The following DMD variants were observed in gnomAD, a reference collection of about 807,000 sequenced individuals.
DMD encodes the protein dystrophin.
A neutral mutation model predicts 330.1 loss-of-function variants in DMD; 63 were observed. That is an observed-to-expected ratio of 0.19 (90% CI 0.16 to 0.24). DMD has a LOEUF of 0.24. Among genes scored for constraint, DMD ranks in the 10% least tolerant of loss-of-function variants. The probability of loss-of-function intolerance (pLI) is 1.00; values close to 1 mark genes in which losing one functional copy is unlikely to be tolerated. For synonymous variants in DMD, 1,223 were observed against 959.8 expected, an observed-to-expected ratio of 1.27 and a Z score of -5.07; for missense variants, 3,344 against 2,684.1, an observed-to-expected ratio of 1.25 and a Z score of -5.43.
intron 7 of DMD, among the ~76,000 whole-genome samples, chrX:32,703,322 T>C: frequency 8.9e-6 from 1 of 111,763 alleles, no homozygotes; most frequent in East Asian, 2.8e-4. Context: ...CTGTAAAGTT[T>C]GTTGAACCTT....
intron 45 of DMD, among the ~76,000 whole-genome samples, chrX:31,939,033 C>T (rs1022900388): frequency 4.5e-5 from 5 of 111,636 alleles, no homozygotes; most frequent in Admixed American, 3.8e-4. Context: ...ACATCTTTCC[C>T]GGACAGTACT....
At chrX:32,254,853 C>A (rs768303874) in intron 43 of DMD, among the ~76,000 whole-genome samples, 99 of 111,795 alleles carry the variant, frequency 8.9e-4, no homozygotes, top group East Asian at 1.7e-3. Context: ...GGAAAATATA[C>A]AAAATATTTC....
chrX:32,316,615 T>A (rs928251910), intron 41 of DMD, among the ~76,000 whole-genome samples: 3 of 111,317 alleles, frequency 2.7e-5, no homozygotes, highest in African/African-American at 9.8e-5. Context: ...CAAAATAACT[T>A]TTTGACACCA....
intron 2 of DMD, among the ~76,000 whole-genome samples, chrX:32,994,328 C>A (rs1301937360): frequency 3.3e-5 from 3 of 90,741 alleles, no homozygotes; most frequent in Admixed American, 1.1e-4. Context: ...TGGAAGCCCC[C>A]AATTTAAAAA....
At chrX:31,220,816 A>G (rs192641912) in intron 64 of DMD, among the ~76,000 whole-genome samples, 11 of 108,442 alleles carry the variant, frequency 1.0e-4, no homozygotes, top group Admixed American at 6.9e-4. Flanking sequence ...AAGCTTGTCC[A>G]ACCTGTGGCC....
intron 15 of DMD, among the ~76,000 whole-genome samples, chrX:32,569,922 T>A (rs753476317): frequency 8.8e-4 from 98 of 111,688 alleles, no homozygotes; most frequent in Non-Finnish European, 1.6e-3. Context: ...ATTCTACAAG[T>A]CTTATAATTC....
At chrX:31,487,300 T>C (rs1276083001) in intron 57 of DMD, among the ~76,000 whole-genome samples, 3 of 107,558 alleles carry the variant, frequency 2.8e-5, no homozygotes, top group Non-Finnish European at 3.8e-5. Context: ...GCTCTGTCAC[T>C]CAGGCTGGAG....
chrX:32,620,035 T>C (rs1038039887), intron 11 of DMD, among the ~76,000 whole-genome samples: 14 of 111,795 alleles, frequency 1.3e-4, no homozygotes, highest in Non-Finnish European at 2.6e-4. Context: ...TGAAGTACTT[T>C]AGCAACCAAA....
At chrX:33,036,021 A>G (rs1238245897) in intron 1 of DMD, among the ~76,000 whole-genome samples, 1 of 112,004 alleles carries the variant, frequency 8.9e-6, no homozygotes, top group African/African-American at 3.2e-5. Flanking sequence ...AAACATCTTC[A>G]GAGATTAAAA....
intron 48 of DMD, among the ~76,000 whole-genome samples, chrX:31,844,028 T>G: frequency 9.0e-6 from 1 of 111,222 alleles, no homozygotes; most frequent in Non-Finnish European, 1.9e-5. Context: ...CCAGCTAATT[T>G]TTTTGTATTT....
Position 32,212,452 on chromosome X carries a change from A to T in DMD, c.6438+4464T>A, listed in dbSNP as rs189575717. Among the ~76,000 whole-genome samples, 5 of 111,963 alleles carry T rather than the reference A, an allele frequency of 4.5e-5. No homozygotes were observed. The East Asian group carries it at 1.4e-3, about 31-fold the overall frequency. ...GCAAAATGCTATTCCAAGTGGCTTT[A>T]TACACATCTCATTTATATTTCCATT... On this transcript the variant is annotated intron_variant, in intron 44 of 78. Transcript: ENST00000357033.
intron 1 of DMD, among the ~76,000 whole-genome samples, chrX:33,109,055 A>G (rs1488286103): frequency 9.1e-6 from 1 of 109,396 alleles, no homozygotes; most frequent in East Asian, 2.9e-4. Flanking sequence ...TTGTTTGACC[A>G]CATTTTAATG....
chrX:33,301,186 C>T (rs949723825), intron 1 of DMD, among the ~76,000 whole-genome samples: 3 of 111,053 alleles, frequency 2.7e-5, no homozygotes, highest in Non-Finnish European at 5.7e-5. Context: ...GCATGAGTTT[C>T]CTTCCAAGTG....
At chrX:33,095,607 G>A (rs2148337037) in intron 1 of DMD, among the ~76,000 whole-genome samples, 1 of 111,952 alleles carries the variant, frequency 8.9e-6, no homozygotes, top group African/African-American at 3.2e-5. Flanking sequence ...CTTTTCTGTA[G>A]TGTACAAACT....
At chrX:32,805,888 G>T (rs994808860) in intron 7 of DMD, among the ~76,000 whole-genome samples, 11 of 112,030 alleles carry the variant, frequency 9.8e-5, no homozygotes, top group Non-Finnish European at 2.1e-4. Context: ...AATGCTGAGA[G>T]ATTTTGTCAC....
chrX:33,006,414 A>G (rs1426987178), intron 2 of DMD, among the ~76,000 whole-genome samples: 1 of 112,160 alleles, frequency 8.9e-6, no homozygotes, highest in African/African-American at 3.2e-5. Flanking sequence ...AATAGAACAG[A>G]ATAGTGTGGA....
chrX:33,109,000 A>G (rs1314625415), intron 1 of DMD, among the ~76,000 whole-genome samples: 2 of 109,395 alleles, frequency 1.8e-5, no homozygotes, highest in African/African-American at 6.6e-5. Flanking sequence ...TAAAATTTTA[A>G]TAAAGTAGAT....
At chrX:32,350,129 T>G (rs2097776479) in intron 37 of DMD, among the ~76,000 whole-genome samples, 1 of 111,633 alleles carries the variant, frequency 9.0e-6, no homozygotes, top group African/African-American at 3.2e-5. Flanking sequence ...TTTTATTGTG[T>G]ACTTGGATGT....
At chrX:32,600,405 T>C (rs984121110) in intron 12 of DMD, among the ~76,000 whole-genome samples, 1 of 111,050 alleles carries the variant, frequency 9.0e-6, no homozygotes, top group Non-Finnish European at 1.9e-5. Context: ...GTAAATTCGA[T>C]GGGAGAAGCT....
Sources: gnomAD v4.1 joint callset for allele counts (sites outside exome capture counted in the v4.1 genomes callset) on GRCh38, gnomAD v4.1.1 for gene constraint, MANE v1.5 for transcripts, NCBI Gene and HGNC (gene_info 2026-07-23, HGNC 2026-07-21) for gene names.